The following NCAN variants were observed in gnomAD, a reference collection of about 807,000 sequenced individuals.
NCAN encodes the protein neurocan core protein.
NCAN carries 47 observed loss-of-function variants against 121.8 expected under a neutral mutation model. The observed-to-expected ratio is 0.39, with a 90% CI of 0.31 to 0.49. NCAN has a LOEUF of 0.49. NCAN is among the 20% of genes least tolerant of loss of function. The probability of loss-of-function intolerance (pLI) is 0.92; values close to 1 mark genes in which losing one functional copy is unlikely to be tolerated. For missense variants in NCAN, 1,517 were observed against 1,773.4 expected (o/e 0.86, Z 2.60); for synonymous variants, 633 against 702.0 (o/e 0.90, Z 1.55).
At chr19:19,247,523 A>G (rs7253952) in intron 13 of NCAN, among the ~76,000 whole-genome samples, 54,350 of 151,606 alleles carry the variant, frequency 0.36, 11,431 homozygotes, top group African/African-American at 0.58. Flanking sequence ...AAAGTGCTGG[A>G]ATTACAGGTG....
At position 19,225,247 on chromosome 19, in the gene NCAN, G is replaced by T; in HGVS notation, c.1049G>T (p.Arg350Leu). The change falls in exon 6 of 15, where the codon CGC becomes CTC. Residue 350 changes from arginine to leucine, a missense_variant. Physicochemically the swap from Arg to Leu is moderately radical, Grantham distance 102. Coordinates refer to ENST00000252575, the MANE Select transcript of NCAN (RefSeq NM_004386.3). The surrounding 1 kb of genome is among the most constrained non-coding windows in gnomAD (Gnocchi z 4.0). ...ACCGGCTTCCCCTCACCCGCCGAGC[G>T]CTTCGACGCCTACTGCTTCCGAGGT... Reference protein sequence around the residue: ...NRTGFPSPAERFDAYCFRAHH... With the variant: ...NRTGFPSPAELFDAYCFRAHH... 1 of 1,556,474 alleles carries T rather than the reference G, an allele frequency of 6.4e-7. No individual in the cohort carries two copies. The highest frequency in any genetic ancestry group is 8.6e-7 in the Non-Finnish European group (1 of 1,162,976).
At chr19:19,213,502 A>G (rs891885727) in intron 1 of NCAN, among the ~76,000 whole-genome samples, 1 of 26,936 alleles carries the variant, frequency 3.7e-5, no homozygotes, top group Non-Finnish European at 6.4e-5. Context: ...CAAGGGGTTT[A>G]TGTGGGGGGG....
intron 1 of NCAN, among the ~76,000 whole-genome samples, chr19:19,213,510 G>A (rs946135284): frequency 1.5e-4 from 23 of 150,102 alleles, no homozygotes; most frequent in Non-Finnish European, 2.8e-4. Context: ...TTATGTGGGG[G>A]GGGGGGGGCC....
chr19:19,246,848 A>G (rs996237188), intron 13 of NCAN, among the ~76,000 whole-genome samples: 1 of 151,796 alleles, frequency 6.6e-6, no homozygotes, highest in African/African-American at 2.4e-5. Flanking sequence ...GGCCTAACCA[A>G]CTGTTTATAT....
At position 19,215,081 on chromosome 19, in the gene NCAN, CA is replaced by C. The variant is rs1216524670; in HGVS notation, c.-7-1865del. 5.9e-5 allele frequency among the ~76,000 whole-genome samples: 9 copies of C among 152,296 alleles called. No homozygotes were observed. The East Asian group carries it at 1.7e-3, about 29-fold the overall frequency. ...AGGCATCGTGTTAGCAGGCAGGAGG[CA>C]GGGGTGGACTAGGTGGGCTTTGCCG... On this transcript the variant is annotated intron_variant, in intron 1 of 14. Coordinates refer to ENST00000252575, the MANE Select transcript of NCAN (RefSeq NM_004386.3).
intron 1 of NCAN, 88 bp from the exon 2 acceptor site, chr19:19,216,859 A>G: frequency 1.5e-6 from 1 of 666,640 alleles, no homozygotes. Context: ...CCTGATCTGT[A>G]GAGTGGGGGA....
intron 8 of NCAN, among the ~76,000 whole-genome samples, chr19:19,231,536 C>G (rs11880943): frequency 0.011 from 1,634 of 152,032 alleles, 37 homozygotes; most frequent in African/African-American, 0.037. Flanking sequence ...ACCATGTTGA[C>G]CAGGTTGGTC....
intron 3 of NCAN, among the ~76,000 whole-genome samples, chr19:19,221,990 C>T (rs1401173762): frequency 3.3e-5 from 5 of 152,126 alleles, no homozygotes; most frequent in African/African-American, 1.2e-4. Context: ...GATTATTGTA[C>T]AGCAAACATC....
intron 14 of NCAN, among the ~76,000 whole-genome samples, chr19:19,249,370 C>A (rs1189667099): frequency 1.3e-5 from 2 of 150,134 alleles, no homozygotes; most frequent in Non-Finnish European, 3.0e-5. Context: ...CACATCCGGC[C>A]TGGTTTTGTT....
chr19:19,214,737 T>C (rs1195253691), intron 1 of NCAN, among the ~76,000 whole-genome samples: 2 of 150,584 alleles, frequency 1.3e-5, no homozygotes, highest in African/African-American at 4.9e-5. Context: ...GGTGTGTGTG[T>C]GTGTGTGTGT....
rs1395340802 is a variant in NCAN at position 19,228,157 on chromosome 19, C to G, written c.2537C>G (p.Pro846Arg). 2.5e-6 allele frequency: 4 copies of G among 1,613,870 alleles called. No individual in the cohort carries two copies. Among genetic ancestry groups the G allele is most frequent in the Non-Finnish European group, 3.4e-6 (4 of 1,180,038 alleles). Reference sequence around the variant, plus strand: ...AGTGATGCTAGTGGAATTTGGGAACCTGGATCCCAGGTGTTTGAAGAAGCC... The same window carrying G: ...AGTGATGCTAGTGGAATTTGGGAACGTGGATCCCAGGTGTTTGAAGAAGCC... Reference protein sequence around the residue: ...APSDASGIWEPGSQVFEEAES... With the variant: ...APSDASGIWERGSQVFEEAES... Residue 846 changes from proline (P) to arginine (R), a missense_variant, in exon 8 of 15, where the codon CCT (proline) becomes CGT (arginine). By Grantham distance (103) the Pro-to-Arg change is moderately radical. Transcript: ENST00000252575.
Position 19,227,139 on chromosome 19 carries a change from T to G in NCAN, c.1660+66T>G. The G allele has an allele frequency of 6.7e-7, 1 of 1,493,048 alleles. No individual in the cohort carries two copies. The highest frequency in any genetic ancestry group is 8.9e-7 in the Non-Finnish European group (1 of 1,122,986). The allele number at this position is 1,493,048 out of a possible 1,614,324, so 92.5% of individuals were successfully genotyped here. A position where few individuals can be genotyped will look rare whatever the true frequency, so the allele number is the denominator to read the frequency against. On this transcript the variant is annotated intron_variant, in intron 7 of 14. Coordinates refer to ENST00000252575, the MANE Select transcript of NCAN (RefSeq NM_004386.3). The surrounding 1 kb of genome is among the most constrained non-coding windows in gnomAD (Gnocchi z 4.2). Reference sequence around the variant, plus strand: ...GGAGGTGAGGGTAGAGAGGTAGCCATGGCTACACTCAGAATGAGGGAGGAA... The same window carrying G: ...GGAGGTGAGGGTAGAGAGGTAGCCAGGGCTACACTCAGAATGAGGGAGGAA...
At chr19:19,243,515 C>CAAAAA (rs781710638) in intron 12 of NCAN, among the ~76,000 whole-genome samples, 1,577 of 42,568 alleles carry the variant, frequency 0.037, 80 homozygotes, top group African/African-American at 0.12. Context: ...GACTCCATCT[C>CAAAAA]AAAAAAAAAA....
At position 19,225,295 on chromosome 19, in the gene NCAN, G is replaced by T; in HGVS notation, c.1072+25G>T. On this transcript the variant is annotated intron_variant, in intron 6 of 14. Coordinates refer to ENST00000252575, the MANE Select transcript of NCAN (RefSeq NM_004386.3). This position sits in a 1 kb window ranked among gnomAD's most constrained non-coding sequence, Gnocchi z 4.0. ...GGTGCGTGCGTCCCCTGGTGGCCGC[G>T]CCCCCAGGGCTTTCACTTTGGCGAA... 11 of 1,494,492 alleles carry T rather than the reference G, an allele frequency of 7.4e-6. No individual in the cohort carries two copies. The highest frequency in any genetic ancestry group is 9.7e-6 in the Non-Finnish European group (11 of 1,138,080). 92.6% of individuals were successfully genotyped at this position (1,494,492 alleles called of 1,614,324 possible).
Position 19,227,653 on chromosome 19 carries a change from A to T in NCAN, c.2033A>T (p.Tyr678Phe). ...PPSPAAETKV[Y>F]SLPLSLTPTG... ...TCCCCTGCTGCAGAGACCAAGGTGT[A>T]TTCCCTGCCTCTCTCTTTGACCCCA... The change falls in exon 8 of 15, where the codon TAT (tyrosine) becomes TTT (phenylalanine). Residue 678 changes from tyrosine to phenylalanine, a missense_variant. Coordinates refer to ENST00000252575, the MANE Select transcript of NCAN (RefSeq NM_004386.3). This position sits in a 1 kb window ranked among gnomAD's most constrained non-coding sequence, Gnocchi z 4.2. 6.2e-7 allele frequency: 1 copy of T among 1,613,950 alleles called. No homozygotes were observed. Among genetic ancestry groups the T allele is most frequent in the Non-Finnish European group, 8.5e-7 (1 of 1,180,020 alleles).
intron 12 of NCAN, among the ~76,000 whole-genome samples, chr19:19,241,649 C>A (rs1357754975): frequency 6.6e-6 from 1 of 151,710 alleles, no homozygotes; most frequent in East Asian, 1.9e-4. Context: ...CCAGCCTGGG[C>A]AACACAGTGA....
At chr19:19,248,640 C>T (rs2060934660) in intron 13 of NCAN, 60 bp from the exon 14 acceptor site, 2 of 1,526,416 alleles carry the variant, frequency 1.3e-6, no homozygotes, top group Admixed American at 1.8e-5. Flanking sequence ...ACAACAACAA[C>T]AACAACTAGT....
rs2060946234 is a variant in NCAN at position 19,251,554 on chromosome 19, A to T, written c.*1643A>T. 1 of 152,266 alleles carries T rather than the reference A, an allele frequency of 6.6e-6. No individual in the cohort carries two copies. The highest frequency in any genetic ancestry group is 1.9e-4 in the East Asian group (1 of 5,176). The allele number at this position is 152,266 out of a possible 1,614,324, so 9.4% of individuals were successfully genotyped here. ...CCAAATCCTTACTCTGGCTCTGCTT[A>T]CACTTTCTCTCCATCACCAAATCCT... On this transcript the variant is annotated 3_prime_UTR_variant, in exon 15 of 15. Transcript: ENST00000252575.
At chr19:19,249,128 G>A (rs2060937129) in intron 14 of NCAN, 1 of 435,016 alleles carries the variant, frequency 2.3e-6, no homozygotes, top group Admixed American at 3.8e-5. Context: ...CCAGGCTGGA[G>A]TGCAGTGGCA....
Sources: allele counts gnomAD v4.1 joint callset (sites outside exome capture counted in the v4.1 genomes callset), GRCh38; gene constraint gnomAD v4.1.1; non-coding constraint Gnocchi (gnomAD v3.1); transcripts MANE v1.5; gene names NCBI Gene and HGNC (gene_info 2026-07-23, HGNC 2026-07-21).